CTNNA2: variants seen among roughly 807,000 people sequenced by gnomAD.
The protein encoded by CTNNA2 is catenin alpha 2, also known as catenin alpha-2.
Under a neutral mutation model 101.0 loss-of-function variants are expected in CTNNA2, and 42 were observed. The ratio of observed to expected loss-of-function variants is 0.42; its 90% confidence interval spans 0.32 to 0.54. The LOEUF (loss-of-function observed/expected upper bound fraction) is 0.54, where lower values mean the gene tolerates loss of function less well. Ranked by LOEUF, CTNNA2 falls within the 20% of genes least tolerant of loss-of-function variation. CTNNA2 has a pLI of 0.14. For synonymous variants in CTNNA2, 450 were observed against 456.4 expected (o/e 0.99, Z 0.18); for missense variants, 871 against 1,223.1 (o/e 0.71, Z 4.29).
upstream of CTNNA2, among the ~76,000 whole-genome samples, chr2:79,512,494 C>G (rs1341914998): frequency 6.6e-6 from 1 of 152,078 alleles, no homozygotes; most frequent in Non-Finnish European, 1.5e-5. Context: ...CACTCTGGCC[C>G]TGCCCTCCTC....
At chr2:79,987,517 C>T (rs1242348070) in intron 7 of CTNNA2, among the ~76,000 whole-genome samples, 1 of 152,198 alleles carries the variant, frequency 6.6e-6, no homozygotes, top group African/African-American at 2.4e-5. Flanking sequence ...TAGCTCATAA[C>T]ATGGCTGTGA....
intron 9 of CTNNA2, among the ~76,000 whole-genome samples, chr2:80,527,755 AG>A (rs1690165585): frequency 6.6e-6 from 1 of 152,202 alleles, no homozygotes; most frequent in Non-Finnish European, 1.5e-5. Context: ...CCAATGCCTT[AG>A]AAGAGAAAGA....
intron 4 of CTNNA2, among the ~76,000 whole-genome samples, chr2:79,500,112 A>T (rs559573542): frequency 1.3e-5 from 2 of 152,306 alleles, no homozygotes; most frequent in East Asian, 3.9e-4. Context: ...TTTCATGTTG[A>T]CACATAAAAT....
chr2:79,533,908 C>G (rs1558706050), intron 1 of CTNNA2, among the ~76,000 whole-genome samples: 1 of 152,096 alleles, frequency 6.6e-6, no homozygotes, highest in African/African-American at 2.4e-5. Flanking sequence ...CCAATCTGCC[C>G]TCTCCTGCTC....
At chr2:79,297,059 G>A (rs1298356092) in intron 2 of CTNNA2, among the ~76,000 whole-genome samples, 1 of 151,996 alleles carries the variant, frequency 6.6e-6, no homozygotes, top group Non-Finnish European at 1.5e-5. Context: ...CATTGATACT[G>A]ATCTCTGCCC....
chr2:79,311,075 C>G (rs920998353), intron 2 of CTNNA2, among the ~76,000 whole-genome samples: 1 of 152,194 alleles, frequency 6.6e-6, no homozygotes, highest in Non-Finnish European at 1.5e-5. Flanking sequence ...GTAGGAAGCT[C>G]TAGTCACCAG....
intron 3 of CTNNA2, among the ~76,000 whole-genome samples, chr2:79,807,496 T>C (rs1676670347): frequency 6.6e-6 from 1 of 152,196 alleles, no homozygotes; most frequent in Admixed American, 6.5e-5. Context: ...AAACTGTTCC[T>C]AGTAAGTGAA....
chr2:79,732,578 C>G (rs563436718), intron 2 of CTNNA2, among the ~76,000 whole-genome samples: 29 of 151,930 alleles, frequency 1.9e-4, no homozygotes, highest in Non-Finnish European at 3.8e-4. Flanking sequence ...CATTCCTGAA[C>G]TAATAATGTA....
At chr2:80,156,204 T>TA (rs1267451134) in intron 7 of CTNNA2, among the ~76,000 whole-genome samples, 2 of 152,210 alleles carry the variant, frequency 1.3e-5, no homozygotes, top group Non-Finnish European at 2.9e-5. Context: ...AGACTTTGGC[T>TA]AATCTTCCAA....
chr2:79,814,948 A>T (rs938224251), intron 3 of CTNNA2, among the ~76,000 whole-genome samples: 1 of 151,956 alleles, frequency 6.6e-6, no homozygotes, highest in Admixed American at 6.6e-5. Flanking sequence ...CTGTCTTTTG[A>T]TTTTTTGATT....
At chr2:80,296,721 C>A (rs1675778682) in intron 7 of CTNNA2, among the ~76,000 whole-genome samples, 1 of 152,178 alleles carries the variant, frequency 6.6e-6, no homozygotes, top group Non-Finnish European at 1.5e-5. Flanking sequence ...GCACTCTTGA[C>A]ATTTTAGGTC....
chr2:80,275,429 A>G (rs940342503), intron 7 of CTNNA2, among the ~76,000 whole-genome samples: 1 of 152,230 alleles, frequency 6.6e-6, no homozygotes, highest in African/African-American at 2.4e-5. Flanking sequence ...AATTTTAGTG[A>G]GAGGAAAAAT....
At chr2:79,716,873 C>T (rs1686141738) in intron 2 of CTNNA2, among the ~76,000 whole-genome samples, 1 of 151,772 alleles carries the variant, frequency 6.6e-6, no homozygotes, top group Non-Finnish European at 1.5e-5. Context: ...GTATCAGAAA[C>T]AAACAAAAAA....
intron 13 of CTNNA2, 34 bp downstream of exon 13, chr2:80,574,348 G>C (rs773335982): frequency 6.5e-7 from 1 of 1,536,848 alleles, no homozygotes; most frequent in Non-Finnish European, 8.8e-7. Context: ...GAGCTGGTCA[G>C]ATCTCCTAGT....
intron 7 of CTNNA2, among the ~76,000 whole-genome samples, chr2:80,392,321 G>C (rs1342190397): frequency 6.6e-6 from 1 of 152,164 alleles, no homozygotes; most frequent in Non-Finnish European, 1.5e-5. Flanking sequence ...TGTAGCGTTT[G>C]ACTAAAATTT....
chr2:79,401,424 T>TA (rs747780423), intron 4 of CTNNA2, among the ~76,000 whole-genome samples: 5 of 151,732 alleles, frequency 3.3e-5, no homozygotes, highest in Non-Finnish European at 7.4e-5. Flanking sequence ...AAAGGGCTTA[T>TA]AATGCATAAA....
chr2:79,809,545 G>T (rs865904145), intron 3 of CTNNA2, among the ~76,000 whole-genome samples: 1 of 152,084 alleles, frequency 6.6e-6, no homozygotes, highest in Non-Finnish European at 1.5e-5. Context: ...ACCAGTGATG[G>T]TGAGCTTTTT....
At chr2:79,231,891 T>A (rs1674497761) in intron 2 of CTNNA2, among the ~76,000 whole-genome samples, 1 of 152,210 alleles carries the variant, frequency 6.6e-6, no homozygotes, top group South Asian at 2.1e-4. Context: ...ATTCTACTGC[T>A]TTCTATAGCT....
At chr2:79,818,725 A>G (rs1453711643) in intron 3 of CTNNA2, among the ~76,000 whole-genome samples, 1 of 150,572 alleles carries the variant, frequency 6.6e-6, no homozygotes, top group East Asian at 2.0e-4. Flanking sequence ...CTCTTAGGCA[A>G]ATTATGCAAA....
Sources: allele counts gnomAD v4.1 joint callset (sites outside exome capture counted in the v4.1 genomes callset), GRCh38; gene constraint gnomAD v4.1.1; transcripts MANE v1.5; gene names NCBI Gene and HGNC (gene_info 2026-07-23, HGNC 2026-07-21).